Variants in SLCO1B1 observed in about 807,000 individuals in gnomAD.
The protein encoded by SLCO1B1 is OATP-2.
Under a neutral mutation model 70.1 loss-of-function variants are expected in SLCO1B1, and 81 were observed. That is an observed-to-expected ratio of 1.16 (90% confidence interval 0.97 to 1.39). The LOEUF (loss-of-function observed/expected upper bound fraction) is 1.39. Among genes scored for constraint, SLCO1B1 ranks in the 40% most tolerant of loss-of-function variants. The pLI is 0.00. For missense variants in SLCO1B1, 895 were observed against 799.6 expected (o/e 1.12, Z -1.44); for synonymous variants, 283 against 271.5 (o/e 1.04, Z -0.42).
At chr12:21,192,999 A>C (rs988862536) in intron 7 of SLCO1B1, among the ~76,000 whole-genome samples, 19 of 152,066 alleles carry the variant, frequency 1.2e-4, no homozygotes, top group Non-Finnish European at 4.4e-5. Flanking sequence ...CCATATTTTT[A>C]AAATTTTCTA....
chr12:21,142,077 A>AC, intron 2 of SLCO1B1, among the ~76,000 whole-genome samples: 1 of 151,142 alleles, frequency 6.6e-6, no homozygotes, highest in East Asian at 1.9e-4. Flanking sequence ...TTTTAAAAAA[A>AC]AAAACAAAAA....
chr12:21,172,514 G>T (rs1940767956), intron 2 of SLCO1B1, 136 bp from the exon 3 acceptor site: 1 of 976,498 alleles, frequency 1.0e-6, no homozygotes, highest in Non-Finnish European at 1.6e-6. Flanking sequence ...TGGTAAAAGG[G>T]AAAACTAAGT....
intron 1 of SLCO1B1, among the ~76,000 whole-genome samples, chr12:21,135,469 A>C (rs1232074878): frequency 6.6e-6 from 1 of 152,154 alleles, no homozygotes; most frequent in Non-Finnish European, 1.5e-5. Flanking sequence ...GTGGAATTCT[A>C]AGTCTCTTTG....
At chr12:21,206,848 A>G (rs570305365) in intron 11 of SLCO1B1, among the ~76,000 whole-genome samples, 7 of 152,062 alleles carry the variant, frequency 4.6e-5, no homozygotes, top group African/African-American at 1.4e-4. Flanking sequence ...ACAGTCAACT[A>G]TAATTATTGC....
intron 10 of SLCO1B1, among the ~76,000 whole-genome samples, chr12:21,204,338 C>G (rs1941189560): frequency 6.6e-6 from 1 of 151,768 alleles, no homozygotes; most frequent in Non-Finnish European, 1.5e-5. Flanking sequence ...GTTATTAATT[C>G]ATTAATCTGA....
chr12:21,185,499 T>G (rs1940953894), intron 7 of SLCO1B1, among the ~76,000 whole-genome samples: 1 of 152,188 alleles, frequency 6.6e-6, no homozygotes, highest in African/African-American at 2.4e-5. Flanking sequence ...TTTTCCTGAA[T>G]AATTCTTGGT....
chr12:21,227,574 T>A (rs1941494722), intron 14 of SLCO1B1, among the ~76,000 whole-genome samples: 1 of 152,146 alleles, frequency 6.6e-6, no homozygotes. Context: ...ACAGAAAATG[T>A]CTCACAAAAT....
Position 21,187,826 on chromosome 12 carries a change from G to C in SLCO1B1, c.727+8806G>C, listed in dbSNP as rs540264239. On this transcript the variant is annotated intron_variant, in intron 7 of 14. Coordinates refer to ENST00000256958, the MANE Select transcript of SLCO1B1 (RefSeq NM_006446.5). The stretch of plus-strand genomic sequence containing the variant: ...TATGGAAGAAAAAGTGAGGAGTAAA[G>C]AATTTCAAGATATCGGTATTGGAGA... 2.6e-5 allele frequency among the ~76,000 whole-genome samples: 4 copies of C among 152,260 alleles called. No homozygotes were observed. In the East Asian group the frequency reaches 7.7e-4, roughly 29 times the overall value.
intron 2 of SLCO1B1, among the ~76,000 whole-genome samples, chr12:21,146,535 A>G (rs569348962): frequency 2.6e-5 from 4 of 152,170 alleles, no homozygotes; most frequent in South Asian, 2.1e-4. Context: ...AAACTTAGAT[A>G]TTGATTTTAG....
rs144508550 is a variant in SLCO1B1, at chr12:21,174,648, G to T, written c.298G>T (p.Gly100Cys). Residue 100 changes from glycine (G) to cysteine (C), a missense_variant, in exon 4 of 15, where the codon GGT (glycine) becomes TGT (cysteine). Gly to Cys is a radical substitution (Grantham distance 159). Transcript: ENST00000256958. ...ACATAGACCAAAGTTAATTGGAATCGGTTGTTTCATTATGGGAATTGGAGG... is the reference window on the plus strand; with the variant it reads ...ACATAGACCAAAGTTAATTGGAATCTGTTGTTTCATTATGGGAATTGGAGG... ...KLHRPKLIGIGCFIMGIGGVL... is the reference protein window; with the variant it reads ...KLHRPKLIGICCFIMGIGGVL... The T allele has an allele frequency of 1.9e-6, 3 of 1,612,834 alleles. No homozygotes were observed. The highest frequency in any genetic ancestry group is 2.5e-6 in the Non-Finnish European group (3 of 1,179,556).
intron 2 of SLCO1B1, among the ~76,000 whole-genome samples, chr12:21,145,997 C>A (rs1940377208): frequency 6.6e-6 from 1 of 151,708 alleles, no homozygotes; most frequent in Non-Finnish European, 1.5e-5. Flanking sequence ...CTGCTTCTAA[C>A]CTCTGAAAAA....
At chr12:21,169,056 G>A (rs1360213760) in intron 2 of SLCO1B1, among the ~76,000 whole-genome samples, 1 of 152,068 alleles carries the variant, frequency 6.6e-6, no homozygotes, top group Non-Finnish European at 1.5e-5. Flanking sequence ...TATAGGGTAA[G>A]GGCCCAATTT....
chr12:21,145,955 G>A (rs1236006243), intron 2 of SLCO1B1, among the ~76,000 whole-genome samples: 1 of 151,904 alleles, frequency 6.6e-6, no homozygotes, highest in African/African-American at 2.4e-5. Context: ...GTTAATGTTG[G>A]CCTCAATAAA....
intron 2 of SLCO1B1, among the ~76,000 whole-genome samples, chr12:21,167,331 A>T (rs6487212): frequency 6.6e-6 from 1 of 152,164 alleles, no homozygotes; most frequent in Non-Finnish European, 1.5e-5. Flanking sequence ...ATTAGTAGAC[A>T]GTGAGAGAGG....
At chr12:21,176,499 T>G (rs1278909613) in intron 4 of SLCO1B1, among the ~76,000 whole-genome samples, 2 of 152,094 alleles carry the variant, frequency 1.3e-5, no homozygotes, top group Non-Finnish European at 2.9e-5. Flanking sequence ...CTAGGATATT[T>G]CATATCTTGA....
intron 3 of SLCO1B1, among the ~76,000 whole-genome samples, chr12:21,174,206 T>C (rs1265025357): frequency 6.6e-6 from 1 of 152,170 alleles, no homozygotes; most frequent in African/African-American, 2.4e-5. Flanking sequence ...CTGAGCTTCA[T>C]GTCAGGTTCA....
At chr12:21,173,876 T>G (rs10770790) in intron 3 of SLCO1B1, among the ~76,000 whole-genome samples, 133,070 of 149,450 alleles carry the variant, frequency 0.89, 59,319 homozygotes, top group East Asian at 1. Flanking sequence ...TCCTGCTTCA[T>G]CCTCCCGAGT....
In SLCO1B1 at chr12:21,222,372, GAA is replaced by G. The variant is rs4149102; in HGVS notation, c.1747+33_1747+34del. The G allele has an allele frequency of 3.7e-3, 92 of 24,914 alleles. No individual in the cohort carries two copies. Among genetic ancestry groups the G allele is most frequent in the African/African-American group, 0.012 (40 of 3,246 alleles). The allele number at this position is 24,914 out of a possible 1,614,324, so 1.5% of individuals were successfully genotyped here. A position where few individuals can be genotyped will look rare whatever the true frequency, so the allele number is the denominator to read the frequency against. On this transcript the variant is annotated intron_variant, in intron 13 of 14. Coordinates refer to ENST00000256958, the MANE Select transcript of SLCO1B1 (RefSeq NM_006446.5). ...TGGTTATACGAGCACTAGGTATGAT[GAA>G]AAAAAAAAAAAAAAAAAAAAAAAAT...
In SLCO1B1 at chr12:21,176,764, A is replaced by T; in HGVS notation, c.360-12A>T. The T allele has an allele frequency of 2.0e-6, 3 of 1,517,410 alleles. No individual in the cohort carries two copies. The South Asian group carries it at 3.4e-5, about 17-fold the overall frequency. The allele number at this position is 1,517,410 out of a possible 1,614,324, so 94.0% of individuals were successfully genotyped here. A position where few individuals can be genotyped will look rare whatever the true frequency, so the allele number is the denominator to read the frequency against. On this transcript the variant is annotated splice_polypyrimidine_tract_variant and intron_variant, in intron 4 of 14. Coordinates refer to ENST00000256958, the MANE Select transcript of SLCO1B1 (RefSeq NM_006446.5). The stretch of plus-strand genomic sequence containing the variant: ...GATAAGCAAAATGTTTAATTCAGTG[A>T]TGTTCTTACAGTTACAGGTATTCTA...
Sources: allele counts gnomAD v4.1 joint callset (sites outside exome capture counted in the v4.1 genomes callset), GRCh38; gene constraint gnomAD v4.1.1; transcripts MANE v1.5; gene names NCBI Gene and HGNC (gene_info 2026-07-23, HGNC 2026-07-21).